The following KCNJ6 variants were observed in gnomAD, a reference collection of about 807,000 sequenced individuals.
The protein encoded by KCNJ6 is G protein-activated inward rectifier potassium channel 2.
A neutral mutation model predicts 34.2 loss-of-function variants in KCNJ6; 9 were observed. The observed-to-expected ratio is 0.26, with a 90% confidence interval of 0.16 to 0.46. The LOEUF is 0.46. Ranked by LOEUF, KCNJ6 falls within the 20% of genes least tolerant of loss-of-function variation. KCNJ6 has a pLI of 1.00. For synonymous variants in KCNJ6, 196 were observed against 207.1 expected, an observed-to-expected ratio of 0.95 and a Z score of 0.46; for missense variants, 236 against 531.3, an observed-to-expected ratio of 0.44 and a Z score of 5.46.
In KCNJ6 at chr21:37,610,853, G is replaced by A. The variant is rs1333778670; in HGVS notation, c.*14306C>T. The A allele has an allele frequency of 6.6e-6, 1 of 151,934 alleles. No homozygotes were observed. The highest frequency in any genetic ancestry group is 2.4e-5 in the African/African-American group (1 of 41,394). The allele number at this position is 151,934 out of a possible 1,614,324, so 9.4% of individuals were successfully genotyped here. A position where few individuals can be genotyped will look rare whatever the true frequency, so the allele number is the denominator to read the frequency against. ...GGATGCAATAAAAACAATGCTTAAA[G>A]GGAAATTTATAACATTGAATGCAGA... On this transcript the variant is annotated 3_prime_UTR_variant, in exon 4 of 4. Transcript: ENST00000609713.
At chr21:37,634,092 T>C (rs899421130) in intron 3 of KCNJ6, among the ~76,000 whole-genome samples, 4 of 152,160 alleles carry the variant, frequency 2.6e-5, no homozygotes, top group Non-Finnish European at 4.4e-5. Flanking sequence ...ACACGTATGA[T>C]TATGTTCATA....
Position 37,652,344 on chromosome 21 carries a change from G to A in KCNJ6, c.947-26860C>T, listed in dbSNP as rs184484035. On this transcript the variant is annotated intron_variant, in intron 3 of 3. Coordinates refer to ENST00000609713, the MANE Select transcript of KCNJ6 (RefSeq NM_002240.5). ...GGGGATGTTTCAGCAGAACAGTGGG[G>A]TCAGAAACCTGTGGGAGCCTGTTGA... Among the ~76,000 whole-genome samples the A allele has an allele frequency of 6.6e-5, 10 of 152,294 alleles. No homozygotes were observed. In the East Asian group the frequency reaches 1.9e-3, roughly 29 times the overall value.
intron 1 of KCNJ6, among the ~76,000 whole-genome samples, chr21:37,904,157 G>A (rs1211221260): frequency 6.6e-6 from 1 of 152,134 alleles, no homozygotes; most frequent in East Asian, 1.9e-4. Context: ...CACTTTTTGT[G>A]GGTGGGCTAT....
At chr21:37,781,020 A>C (rs2055166789) in intron 2 of KCNJ6, among the ~76,000 whole-genome samples, 1 of 152,178 alleles carries the variant, frequency 6.6e-6, no homozygotes, top group African/African-American at 2.4e-5. Context: ...ACGTTAGGGG[A>C]ATGGAAAAGA....
At chr21:37,821,332 C>A (rs1451719523) in intron 2 of KCNJ6, among the ~76,000 whole-genome samples, 1 of 152,124 alleles carries the variant, frequency 6.6e-6, no homozygotes, top group East Asian at 1.9e-4. Flanking sequence ...AAAAGGAAAT[C>A]CTGTACTCAC....
Position 37,792,112 on chromosome 21 carries a change from C to T in KCNJ6, c.25+48546G>A, listed in dbSNP as rs367720528. ...CGAATACACAGAGGTGCACATTCTC[C>T]TGGGCCAGTAGGTTTATCAGAAGAC... On this transcript the variant is annotated intron_variant, in intron 2 of 3. Coordinates refer to ENST00000609713, the MANE Select transcript of KCNJ6 (RefSeq NM_002240.5). 1.6e-4 allele frequency among the ~76,000 whole-genome samples: 25 copies of T among 152,200 alleles called. 1 individual carries two copies. The highest frequency in any genetic ancestry group is 9.6e-4 in the East Asian group (5 of 5,196).
rs2054237726 is a variant in KCNJ6 at position 37,610,138 on chromosome 21, A to C, written c.*15021T>G. The C allele has an allele frequency of 6.6e-6, 1 of 152,198 alleles. No individual in the cohort carries two copies. The highest frequency in any genetic ancestry group is 1.5e-5 in the Non-Finnish European group (1 of 68,054). The allele number at this position is 152,198 out of a possible 1,614,324, so 9.4% of individuals were successfully genotyped here. ...GAAAACAGCTGAGACTTAAAGCTGA[A>C]CCATCTGGGGTCATTTAGTGTAGAG... is the stretch of plus-strand genomic sequence containing the variant. On this transcript the variant is annotated 3_prime_UTR_variant, in exon 4 of 4. Coordinates refer to ENST00000609713, the MANE Select transcript of KCNJ6 (RefSeq NM_002240.5).
chr21:37,671,608 A>G (rs563236117), intron 3 of KCNJ6, among the ~76,000 whole-genome samples: 2 of 152,122 alleles, frequency 1.3e-5, no homozygotes, highest in Admixed American at 6.5e-5. Context: ...ACAGGCCACA[A>G]CCTGTGCTTG....
At chr21:37,818,217 T>C (rs980991519) in intron 2 of KCNJ6, among the ~76,000 whole-genome samples, 212 of 34,414 alleles carry the variant, frequency 6.2e-3, no homozygotes, top group Middle Eastern at 0.036. Context: ...CGTGCGTGTG[T>C]GTGTGTGTGT....
chr21:37,914,345 AC>A (rs2055883039), intron 1 of KCNJ6, among the ~76,000 whole-genome samples: 2 of 152,048 alleles, frequency 1.3e-5, no homozygotes, highest in Admixed American at 1.3e-4. Flanking sequence ...GTGAGGCTTC[AC>A]CCTCGGCGCC....
At chr21:37,828,078 C>T (rs1220275860) in intron 2 of KCNJ6, among the ~76,000 whole-genome samples, 2 of 152,176 alleles carry the variant, frequency 1.3e-5, no homozygotes, top group African/African-American at 4.8e-5. Context: ...CTGTGGACGG[C>T]AGGGATGTTG....
chr21:37,782,747 C>G (rs2055175561), intron 2 of KCNJ6, among the ~76,000 whole-genome samples: 1 of 152,180 alleles, frequency 6.6e-6, no homozygotes, highest in Non-Finnish European at 1.5e-5. Context: ...TTTTCTAGTT[C>G]TTGCCTCTGC....
intron 3 of KCNJ6, among the ~76,000 whole-genome samples, chr21:37,649,877 C>T (rs531619396): frequency 1.3e-5 from 2 of 152,228 alleles, no homozygotes; most frequent in East Asian, 1.9e-4. Flanking sequence ...CTCAGCCTCC[C>T]CAAGTAGCTG....
intron 2 of KCNJ6, among the ~76,000 whole-genome samples, chr21:37,778,794 G>A (rs1309820128): frequency 1.3e-5 from 2 of 151,354 alleles, no homozygotes; most frequent in Non-Finnish European, 2.9e-5. Context: ...CCCAGCATGT[G>A]TACCCCCCAC....
chr21:37,775,637 G>A (rs968540511), intron 2 of KCNJ6, among the ~76,000 whole-genome samples: 24 of 152,224 alleles, frequency 1.6e-4, no homozygotes, highest in Non-Finnish European at 1.5e-4. Flanking sequence ...TTTTTATCAG[G>A]TTTGTCAAAG....
intron 1 of KCNJ6, among the ~76,000 whole-genome samples, chr21:37,852,611 A>G (rs1185896108): frequency 2.6e-5 from 4 of 152,220 alleles, no homozygotes; most frequent in African/African-American, 4.8e-5. Flanking sequence ...CAAGATTTCA[A>G]TAAGATCCAG....
At chr21:37,655,215 GTGTGTGTGTGAGAGAGA>G (rs2054454488) in intron 3 of KCNJ6, among the ~76,000 whole-genome samples, 1 of 35,560 alleles carries the variant, frequency 2.8e-5, no homozygotes, top group African/African-American at 5.7e-5. Flanking sequence ...GTGTGTGTGT[GTGTGTGTGTGAGAGAGA>G]GAGAGAGAGA....
At chr21:37,693,221 A>C (rs1002373185) in intron 3 of KCNJ6, among the ~76,000 whole-genome samples, 1 of 150,500 alleles carries the variant, frequency 6.6e-6, no homozygotes, top group African/African-American at 2.5e-5. Flanking sequence ...TTGAAGGTAG[A>C]ACTGATGTTT....
intron 3 of KCNJ6, among the ~76,000 whole-genome samples, chr21:37,709,428 C>T (rs1416803221): frequency 6.6e-6 from 1 of 151,982 alleles, no homozygotes; most frequent in Admixed American, 6.6e-5. Context: ...GCAGGAGAAT[C>T]GTTTGAACCC....
Sources: gnomAD v4.1 joint callset for allele counts (sites outside exome capture counted in the v4.1 genomes callset) on GRCh38, gnomAD v4.1.1 for gene constraint, MANE v1.5 for transcripts, NCBI Gene and HGNC (gene_info 2026-07-23, HGNC 2026-07-21) for gene names.